UGCG: variants seen among roughly 807,000 people sequenced by gnomAD.
The protein encoded by UGCG is ceramide glucosyltransferase.
In UGCG, 10 loss-of-function variants were observed where a neutral mutation model predicts 49.5. The observed-to-expected ratio is 0.20, with a 90% CI of 0.12 to 0.34. The LOEUF (loss-of-function observed/expected upper bound fraction) is 0.34. Among genes scored for constraint, UGCG ranks in the 10% least tolerant of loss-of-function variants. The pLI is 1.00. For synonymous variants in UGCG, 182 were observed against 158.2 expected (o/e 1.15, Z -1.13); for missense variants, 312 against 483.7 (o/e 0.65, Z 3.33).
chr9:111,917,379 C>T (rs1233849900), intron 2 of UGCG, among the ~76,000 whole-genome samples: 1 of 152,180 alleles, frequency 6.6e-6, no homozygotes, highest in African/African-American at 2.4e-5. Flanking sequence ...TGAAATCACG[C>T]ATATCTGAGC....
intron 1 of UGCG, among the ~76,000 whole-genome samples, chr9:111,911,249 G>T (rs79301350): frequency 0.024 from 3,601 of 152,180 alleles, 49 homozygotes; most frequent in South Asian, 0.031. Flanking sequence ...CAGGAGGCAA[G>T]CATGGACTCT....
At chr9:111,901,786 T>A (rs553191644) in intron 1 of UGCG, among the ~76,000 whole-genome samples, 1 of 152,340 alleles carries the variant, frequency 6.6e-6, no homozygotes, top group African/African-American at 2.4e-5. Context: ...TCTCTGACAT[T>A]AGTTAGTTCA....
chr9:111,929,770 T>G (rs1041976796), intron 6 of UGCG, 92 bp downstream of exon 6: 5 of 1,445,268 alleles, frequency 3.5e-6, no homozygotes, highest in Non-Finnish European at 4.7e-6. Flanking sequence ...GGCTTTTTAA[T>G]TTAATTTTAT....
intron 2 of UGCG, among the ~76,000 whole-genome samples, chr9:111,917,280 G>A (rs1395288893): frequency 6.6e-6 from 1 of 152,188 alleles, no homozygotes; most frequent in East Asian, 1.9e-4. Context: ...TGCAATCTAA[G>A]GGAAATATTT....
chr9:111,899,397 T>C (rs570060635), intron 1 of UGCG, among the ~76,000 whole-genome samples: 1 of 152,374 alleles, frequency 6.6e-6, no homozygotes, highest in South Asian at 2.1e-4. Flanking sequence ...TAAAGTTACA[T>C]TGAGCACTTT....
At chr9:111,914,138 A>G (rs143145484) in intron 1 of UGCG, among the ~76,000 whole-genome samples, 4 of 152,274 alleles carry the variant, frequency 2.6e-5, no homozygotes, top group East Asian at 1.9e-4. Context: ...TTCAGTGGCA[A>G]TTTAAGAGGA....
At chr9:111,903,139 C>G (rs1837810510) in intron 1 of UGCG, among the ~76,000 whole-genome samples, 3 of 152,218 alleles carry the variant, frequency 2.0e-5, no homozygotes, top group Admixed American at 2.0e-4. Flanking sequence ...GAGGCTGCTT[C>G]CCGCCATCTG....
chr9:111,898,001 A>G (rs1228025055), intron 1 of UGCG, among the ~76,000 whole-genome samples: 1 of 147,022 alleles, frequency 6.8e-6, no homozygotes, highest in Admixed American at 7.0e-5. Context: ...GGCCTACTAG[A>G]TACCATTCAC....
Position 111,930,817 on chromosome 9 carries a change from T to TA in UGCG, c.738-451dup, listed in dbSNP as rs1838412923. On this transcript the variant is annotated intron_variant, in intron 6 of 8. Coordinates refer to ENST00000374279, the MANE Select transcript of UGCG (RefSeq NM_003358.3). Reference sequence around the variant, plus strand: ...TCACTGCCTTGTGTGAGAATTCTTTTAAATTTTTTAAAAACTGAAGTGTGT... The same window carrying TA: ...TCACTGCCTTGTGTGAGAATTCTTTTAAAATTTTTTAAAAACTGAAGTGTGT... 2.0e-5 allele frequency among the ~76,000 whole-genome samples: 3 copies of TA among 152,342 alleles called. No homozygotes were observed. In the South Asian group the frequency reaches 6.2e-4, roughly 32 times the overall value.
At chr9:111,900,503 C>T (rs12685024) in intron 1 of UGCG, among the ~76,000 whole-genome samples, 24,752 of 151,322 alleles carry the variant, frequency 0.16, 2,507 homozygotes, top group African/African-American at 0.29. Flanking sequence ...TGTGTGTATT[C>T]TTTCTTTGAT....
At chr9:111,918,249 C>T (rs532239178) in intron 2 of UGCG, among the ~76,000 whole-genome samples, 24 of 152,230 alleles carry the variant, frequency 1.6e-4, no homozygotes, top group Middle Eastern at 3.4e-3. Flanking sequence ...ATCATGTTGG[C>T]CAGGCTGGTC....
At position 111,897,140 on chromosome 9, in the gene UGCG, A is replaced by G; in HGVS notation, c.-76A>G. Reference sequence around the variant, plus strand: ...TCCCGCGCCCCCGCACCGGGCGCCCACCCTGTCCTCCTCCTGCGGGAGCGT... The same window carrying G: ...TCCCGCGCCCCCGCACCGGGCGCCCGCCCTGTCCTCCTCCTGCGGGAGCGT... On this transcript the variant is annotated 5_prime_UTR_variant, in exon 1 of 9. Transcript: ENST00000374279. 9.1e-7 allele frequency: 1 copy of G among 1,097,732 alleles called. No homozygotes were observed. The highest frequency in any genetic ancestry group is 1.2e-6 in the Non-Finnish European group (1 of 847,270). 68.0% of individuals were successfully genotyped at this position (1,097,732 alleles called of 1,614,324 possible).
intron 1 of UGCG, among the ~76,000 whole-genome samples, chr9:111,905,297 A>T (rs898693030): frequency 6.6e-6 from 1 of 152,198 alleles, no homozygotes; most frequent in Non-Finnish European, 1.5e-5. Context: ...GGACATTACC[A>T]TTCTTACCTT....
rs934558691 is a variant in UGCG, at chr9:111,896,868, G to C, written c.-348G>C. 1.3e-5 allele frequency: 2 copies of C among 154,564 alleles called. No individual in the cohort carries two copies. Among genetic ancestry groups the C allele is most frequent in the African/African-American group, 2.4e-5 (1 of 41,416 alleles). The allele number at this position is 154,564 out of a possible 1,614,324, so 9.6% of individuals were successfully genotyped here. A position where few individuals can be genotyped will look rare whatever the true frequency, so the allele number is the denominator to read the frequency against. Reference sequence around the variant, plus strand: ...TCGGCCGGGAGCCCGGCGGCGAGACGGAGAGGCGGCGGAGGTGCCCGCGCG... The same window carrying C: ...TCGGCCGGGAGCCCGGCGGCGAGACCGAGAGGCGGCGGAGGTGCCCGCGCG... On this transcript the variant is annotated 5_prime_UTR_variant, in exon 1 of 9. Transcript: ENST00000374279.
chr9:111,897,361 G>A (rs1487338187), intron 1 of UGCG, 48 bp downstream of exon 1: 2 of 1,471,758 alleles, frequency 1.4e-6, no homozygotes, highest in East Asian at 5.1e-5. Flanking sequence ...TCCGGGCCTC[G>A]GAGACAGGCG....
intron 7 of UGCG, 89 bp from the exon 8 acceptor site, chr9:111,932,081 T>TA (rs777043620): frequency 1.1e-5 from 15 of 1,367,730 alleles, no homozygotes; most frequent in East Asian, 6.9e-5. Flanking sequence ...TATCACAGGG[T>TA]AAAAAAATTG....
intron 1 of UGCG, among the ~76,000 whole-genome samples, chr9:111,900,513 T>A (rs12686148): frequency 1.3e-5 from 2 of 151,964 alleles, no homozygotes; most frequent in Non-Finnish European, 1.5e-5. Context: ...CTTTCTTTGA[T>A]ACAGGGTCTT....
At chr9:111,913,122 T>C (rs547488444) in intron 1 of UGCG, among the ~76,000 whole-genome samples, 8 of 152,230 alleles carry the variant, frequency 5.3e-5, no homozygotes, top group Non-Finnish European at 7.3e-5. Flanking sequence ...GAAGTTCTCA[T>C]TGGTTGATTT....
At chr9:111,897,652 G>A (rs1190618934) in intron 1 of UGCG, among the ~76,000 whole-genome samples, 1 of 152,068 alleles carries the variant, frequency 6.6e-6, no homozygotes, top group Non-Finnish European at 1.5e-5. Context: ...GATGTATGGT[G>A]TATTGTTTTT....
Sources: allele counts gnomAD v4.1 joint callset (sites outside exome capture counted in the v4.1 genomes callset), GRCh38; gene constraint gnomAD v4.1.1; transcripts MANE v1.5; gene names NCBI Gene and HGNC (gene_info 2026-07-23, HGNC 2026-07-21).